The following GALNT13 variants were observed in gnomAD, a reference collection of about 807,000 sequenced individuals.
The protein encoded by GALNT13 is polypeptide N-acetylgalactosaminyltransferase 13.
In GALNT13, 28 loss-of-function variants were observed where a neutral mutation model predicts 64.2. The observed-to-expected ratio is 0.44, with a 90% CI of 0.32 to 0.60. The LOEUF (loss-of-function observed/expected upper bound fraction) is 0.60, where lower values mean the gene tolerates loss of function less well. GALNT13 is among the 20% of genes least tolerant of loss of function. The pLI, the probability that GALNT13 is intolerant of heterozygous loss-of-function variation, is 0.05. For synonymous variants in GALNT13, 214 were observed against 224.6 expected (o/e 0.95, Z 0.42); for missense variants, 577 against 669.8 (o/e 0.86, Z 1.53).
At chr2:153,244,203 A>G in the GALNT13 span, among the ~76,000 whole-genome samples, 2 of 152,094 alleles carry the variant, frequency 1.3e-5, no homozygotes, top group Non-Finnish European at 2.9e-5. Flanking sequence ...CTATCAGAGT[A>G]AAGGTTTTTC....
At chr2:153,644,578 A>AT in the GALNT13 span, among the ~76,000 whole-genome samples, 1 of 152,056 alleles carries the variant, frequency 6.6e-6, no homozygotes, top group African/African-American at 2.4e-5. Context: ...GATATTCAGC[A>AT]TACTACTTGT....
intron 11 of GALNT13, among the ~76,000 whole-genome samples, chr2:154,428,106 C>G (rs1700548151): frequency 6.6e-6 from 1 of 152,104 alleles, no homozygotes; most frequent in Non-Finnish European, 1.5e-5. Context: ...TGTTGACACA[C>G]TTTTCGAATT....
At chr2:153,831,945 T>G in the GALNT13 span, among the ~76,000 whole-genome samples, 1 of 152,206 alleles carries the variant, frequency 6.6e-6, no homozygotes. Flanking sequence ...TTTGTGTGTG[T>G]GGGCTAGCTT....
At chr2:154,145,100 C>CTATATATATA (rs1553484442) in intron 4 of GALNT13, among the ~76,000 whole-genome samples, 79 of 119,454 alleles carry the variant, frequency 6.6e-4, no homozygotes, top group Admixed American at 1.5e-3. Flanking sequence ...ATCTATCTAT[C>CTATATATATA]TATATATATA....
chr2:153,119,135 C>T, the GALNT13 span, among the ~76,000 whole-genome samples: 1 of 152,212 alleles, frequency 6.6e-6, no homozygotes. Flanking sequence ...TGAGGTCTCT[C>T]CAGTCATGCT....
intron 7 of GALNT13, among the ~76,000 whole-genome samples, chr2:154,250,257 A>G (rs576584322): frequency 2.4e-4 from 37 of 152,236 alleles, no homozygotes; most frequent in Non-Finnish European, 4.1e-4. Context: ...AGGATGAAGA[A>G]GCAGAACACC....
At chr2:154,261,802 TAGGTG>T (rs1690712870) in intron 8 of GALNT13, among the ~76,000 whole-genome samples, 1 of 151,984 alleles carries the variant, frequency 6.6e-6, no homozygotes, top group African/African-American at 2.4e-5. Flanking sequence ...CATGTGAGTA[TAGGTG>T]AACATAAACT....
the GALNT13 span, among the ~76,000 whole-genome samples, chr2:153,479,839 A>T: frequency 6.6e-6 from 1 of 152,164 alleles, no homozygotes; most frequent in Non-Finnish European, 1.5e-5. Flanking sequence ...GAAATTCTAT[A>T]AACCTGTCAG....
rs573917067 is a variant in GALNT13, at chr2:154,113,041, A to G, written c.143-27296A>G. Among the ~76,000 whole-genome samples, 5 of 152,280 alleles carry G rather than the reference A, an allele frequency of 3.3e-5. No homozygotes were observed. The East Asian group carries it at 9.7e-4, about 29-fold the overall frequency. On this transcript the variant is annotated intron_variant, in intron 3 of 12. Coordinates refer to ENST00000392825, the MANE Select transcript of GALNT13 (RefSeq NM_052917.4). ...TTTATGGCTAGATGGGTCAGAAAGCACCCAGTTCATGATAGGCAGTACAGG... is the reference window on the plus strand; with the variant it reads ...TTTATGGCTAGATGGGTCAGAAAGCGCCCAGTTCATGATAGGCAGTACAGG...
the GALNT13 span, among the ~76,000 whole-genome samples, chr2:153,634,304 C>A: frequency 2.0e-5 from 3 of 152,038 alleles, no homozygotes; most frequent in Non-Finnish European, 2.9e-5. Context: ...CAGAAGAGCA[C>A]TTTTGTTGAA....
At chr2:153,149,759 T>A in the GALNT13 span, among the ~76,000 whole-genome samples, 4 of 151,860 alleles carry the variant, frequency 2.6e-5, no homozygotes, top group African/African-American at 9.7e-5. Context: ...TTACCTTATA[T>A]CCTTTAAATT....
the GALNT13 span, among the ~76,000 whole-genome samples, chr2:153,345,559 C>A: frequency 6.6e-6 from 1 of 152,076 alleles, no homozygotes; most frequent in African/African-American, 2.4e-5. Context: ...CTTAGACTTA[C>A]CAGATTAATT....
the GALNT13 span, among the ~76,000 whole-genome samples, chr2:153,391,399 C>T: frequency 2.0e-5 from 3 of 151,898 alleles, no homozygotes; most frequent in South Asian, 4.2e-4. Context: ...TCAGATGACA[C>T]GCTAGTAATG....
chr2:153,608,607 T>C, the GALNT13 span, among the ~76,000 whole-genome samples: 1 of 149,572 alleles, frequency 6.7e-6, no homozygotes, highest in Admixed American at 6.7e-5. Context: ...TTATTCATTA[T>C]ATATAATATA....
intron 4 of GALNT13, among the ~76,000 whole-genome samples, chr2:154,203,893 TA>T (rs1385565607): frequency 2.0e-5 from 3 of 152,162 alleles, no homozygotes; most frequent in Non-Finnish European, 4.4e-5. Context: ...ATATAAAAAC[TA>T]AGTGGAATGG....
chr2:153,618,342 C>G, the GALNT13 span, among the ~76,000 whole-genome samples: 1 of 151,760 alleles, frequency 6.6e-6, no homozygotes, highest in African/African-American at 2.4e-5. Flanking sequence ...CAAAGTTCCT[C>G]CTGTTATTAA....
intron 4 of GALNT13, among the ~76,000 whole-genome samples, chr2:154,200,678 T>A (rs1310784479): frequency 6.6e-6 from 1 of 152,042 alleles, no homozygotes; most frequent in Non-Finnish European, 1.5e-5. Flanking sequence ...TTGTGTGAAG[T>A]CTCTTTTATC....
the GALNT13 span, among the ~76,000 whole-genome samples, chr2:153,471,999 TATGAGA>T: frequency 7.2e-5 from 11 of 152,136 alleles, no homozygotes; most frequent in Non-Finnish European, 1.2e-4. Context: ...AAACACTGAG[TATGAGA>T]ATATGTGCGC....
the GALNT13 span, among the ~76,000 whole-genome samples, chr2:153,637,499 T>A: frequency 6.6e-6 from 1 of 152,154 alleles, no homozygotes; most frequent in Non-Finnish European, 1.5e-5. Flanking sequence ...AAAGAAGAAC[T>A]GAGAATTCAA....
Sources: gnomAD v4.1 joint callset for allele counts (sites outside exome capture counted in the v4.1 genomes callset) on GRCh38, gnomAD v4.1.1 for gene constraint, MANE v1.5 for transcripts, NCBI Gene and HGNC (gene_info 2026-07-23, HGNC 2026-07-21) for gene names.